The following GPHN variants were observed in gnomAD, a reference collection of about 807,000 sequenced individuals.
GPHN encodes gephyrin.
In GPHN, 17 loss-of-function variants were observed where a neutral mutation model predicts 95.5. The observed-to-expected ratio is 0.18, with a 90% CI of 0.12 to 0.27. The LOEUF (loss-of-function observed/expected upper bound fraction) is 0.27, where lower values mean the gene tolerates loss of function less well. GPHN is among the 10% of genes least tolerant of loss of function. The pLI is 1.00. For missense variants in GPHN, 660 were observed against 978.1 expected (o/e 0.67, Z 4.34); for synonymous variants, 320 against 322.5 (o/e 0.99, Z 0.08).
At chr14:67,583,854 T>A in the GPHN span, 1 of 1,613,698 alleles carries the variant, frequency 6.2e-7, no homozygotes, top group Non-Finnish European at 8.5e-7. Context: ...CCAGGCGCTA[T>A]AGACATGGGG....
intron 6 of GPHN, among the ~76,000 whole-genome samples, chr14:66,921,700 A>T (rs1021839834): frequency 6.6e-6 from 1 of 152,148 alleles, no homozygotes; most frequent in South Asian, 2.1e-4. Context: ...CACAGAGTTA[A>T]GAAAAACAAT....
the GPHN span, among the ~76,000 whole-genome samples, chr14:67,624,902 C>T: frequency 9.8e-5 from 15 of 152,326 alleles, no homozygotes; most frequent in East Asian, 2.9e-3. Context: ...TCCCATGCTG[C>T]CTTTTCCCAG....
chr14:66,522,297 T>C (rs1214701968), intron 1 of GPHN, among the ~76,000 whole-genome samples: 3 of 152,162 alleles, frequency 2.0e-5, no homozygotes, highest in African/African-American at 7.2e-5. Flanking sequence ...CACCTATGGG[T>C]CTTAGTCTTT....
the GPHN span, among the ~76,000 whole-genome samples, chr14:67,242,314 G>T: frequency 6.6e-6 from 1 of 152,198 alleles, no homozygotes. Context: ...GTTTTTAGAT[G>T]TAGTATGGAG....
At chr14:66,721,544 A>G (rs2070739264) in intron 2 of GPHN, among the ~76,000 whole-genome samples, 2 of 152,192 alleles carry the variant, frequency 1.3e-5, no homozygotes, top group Admixed American at 6.5e-5. Flanking sequence ...AACAAATCAA[A>G]CTAATTAACA....
At chr14:66,903,940 CACTTT>C (rs1313722603) in intron 5 of GPHN, among the ~76,000 whole-genome samples, 11 of 152,232 alleles carry the variant, frequency 7.2e-5, no homozygotes, top group Non-Finnish European at 1.3e-4. Flanking sequence ...AAATCTTTTA[CACTTT>C]ACTTCCATCT....
At chr14:67,395,525 C>G in the GPHN span, 22 of 1,614,154 alleles carry the variant, frequency 1.4e-5, no homozygotes, top group Non-Finnish European at 1.9e-5. Flanking sequence ...CCGCTCCTCT[C>G]GAGAACAGGC....
chr14:67,176,436 C>A (rs1007626367), intron 21 of GPHN, among the ~76,000 whole-genome samples: 1 of 152,140 alleles, frequency 6.6e-6, no homozygotes, highest in Non-Finnish European at 1.5e-5. Context: ...CCCACTTGAT[C>A]GTGGTGGATA....
chr14:67,407,855 C>T, the GPHN span, among the ~76,000 whole-genome samples: 10 of 152,276 alleles, frequency 6.6e-5, no homozygotes, highest in East Asian at 1.4e-3. Flanking sequence ...TACTTGTAGT[C>T]CCAGCTACTT....
the GPHN span, among the ~76,000 whole-genome samples, chr14:67,234,392 T>A: frequency 2.0e-5 from 3 of 152,040 alleles, no homozygotes; most frequent in African/African-American, 7.2e-5. Context: ...GAGAAGAAAA[T>A]GGAGAAAATT....
intron 9 of GPHN, among the ~76,000 whole-genome samples, chr14:66,982,857 A>G (rs1159895622): frequency 6.6e-6 from 1 of 152,170 alleles, no homozygotes; most frequent in East Asian, 1.9e-4. Flanking sequence ...AAAAATAGCT[A>G]ATGATGTGAA....
the GPHN span, chr14:67,586,080 C>T: frequency 7.8e-5 from 126 of 1,613,776 alleles, no homozygotes; most frequent in Non-Finnish European, 9.8e-5. Context: ...GTTGATCTTC[C>T]GGATGGCTGC....
At chr14:67,621,988 T>C in the GPHN span, among the ~76,000 whole-genome samples, 4 of 152,164 alleles carry the variant, frequency 2.6e-5, no homozygotes, top group South Asian at 6.2e-4. Flanking sequence ...TCCCAGCTAC[T>C]CAGGAGCCTG....
At chr14:66,928,264 A>G (rs998801820) in intron 8 of GPHN, among the ~76,000 whole-genome samples, 3 of 152,150 alleles carry the variant, frequency 2.0e-5, no homozygotes, top group Admixed American at 1.3e-4. Flanking sequence ...GGTAGGTTGT[A>G]TGCATCTAGG....
At position 67,179,538 on chromosome 14, in the gene GPHN, A is replaced by G. The variant is rs770214043; in HGVS notation, c.2080-40A>G. ...TATCTTGTATTTTTGTGAGATGATC[A>G]GGTGACCAAGTTTGTTTTCTTTTCT... On this transcript the variant is annotated intron_variant, in intron 21 of 22. Coordinates refer to ENST00000478722, the MANE Select transcript of GPHN (RefSeq NM_020806.5). 4.4e-6 allele frequency: 5 copies of G among 1,124,096 alleles called. No individual in the cohort carries two copies. The East Asian group carries it at 1.2e-4, about 26-fold the overall frequency. 69.6% of individuals were successfully genotyped at this position (1,124,096 alleles called of 1,614,324 possible). A position where few individuals can be genotyped will look rare whatever the true frequency, so the allele number is the denominator to read the frequency against.
At chr14:66,805,777 CTG>C (rs1305976603) in intron 3 of GPHN, among the ~76,000 whole-genome samples, 12 of 152,328 alleles carry the variant, frequency 7.9e-5, no homozygotes, top group Admixed American at 7.2e-4. Context: ...AGCTCCACTC[CTG>C]TGGCTTTGCA....
intron 9 of GPHN, among the ~76,000 whole-genome samples, chr14:67,004,623 T>G (rs2072475794): frequency 6.6e-6 from 1 of 151,902 alleles, no homozygotes; most frequent in East Asian, 1.9e-4. Context: ...CATTCTTGAG[T>G]CCTGTGTTCA....
At chr14:67,416,684 C>T in the GPHN span, among the ~76,000 whole-genome samples, 15 of 152,236 alleles carry the variant, frequency 9.9e-5, no homozygotes, top group African/African-American at 3.4e-4. Flanking sequence ...TGTCCGTGTA[C>T]AAAGCACGGA....
chr14:66,893,845 T>G (rs2064668212), intron 5 of GPHN, among the ~76,000 whole-genome samples: 1 of 152,184 alleles, frequency 6.6e-6, no homozygotes, highest in Non-Finnish European at 1.5e-5. Context: ...TACAAATTAC[T>G]GCTCAACAAA....
Sources: allele counts gnomAD v4.1 joint callset (sites outside exome capture counted in the v4.1 genomes callset), GRCh38; gene constraint gnomAD v4.1.1; transcripts MANE v1.5; gene names NCBI Gene and HGNC (gene_info 2026-07-23, HGNC 2026-07-21).